SAMMSON: variants seen among roughly 807,000 people sequenced by gnomAD.
SAMMSON encodes the protein long intergenic non-protein coding RNA 1212.
chr3:70,104,817 C>G (rs144617732), intron 4 of SAMMSON, among the ~76,000 whole-genome samples: 50 of 152,176 alleles, frequency 3.3e-4, no homozygotes, highest in Admixed American at 3.3e-3. Flanking sequence ...ACCTCCAGGC[C>G]TTCGTTTTTC....
chr3:70,227,307 A>G (rs17006867), intron 4 of SAMMSON, among the ~76,000 whole-genome samples: 22,416 of 152,224 alleles, frequency 0.15, 2,349 homozygotes, highest in East Asian at 0.55. Flanking sequence ...ATTTTCCTGG[A>G]GAACTGTGAT....
chr3:70,002,335 C>T (rs1477182997), intron 1 of SAMMSON, among the ~76,000 whole-genome samples: 3 of 152,106 alleles, frequency 2.0e-5, no homozygotes, highest in African/African-American at 7.2e-5. Flanking sequence ...TGACTGAAGA[C>T]ATAACTAATT....
chr3:70,184,541 G>T (rs914681754), intron 4 of SAMMSON, among the ~76,000 whole-genome samples: 3 of 152,170 alleles, frequency 2.0e-5, no homozygotes, highest in Non-Finnish European at 2.9e-5. Context: ...GAAAATTTTT[G>T]ATAGTTAACA....
intron 4 of SAMMSON, among the ~76,000 whole-genome samples, chr3:70,170,452 A>G (rs995700309): frequency 6.6e-6 from 1 of 151,838 alleles, no homozygotes; most frequent in Non-Finnish European, 1.5e-5. Context: ...AAATTCATTA[A>G]TTATACAGAA....
chr3:70,274,090 T>TGTGTGC (rs770689062), intron 6 of SAMMSON, among the ~76,000 whole-genome samples: 22 of 144,972 alleles, frequency 1.5e-4, no homozygotes, highest in African/African-American at 2.4e-4. Flanking sequence ...TGTGTGTGTG[T>TGTGTGC]GCGCGCGCGC....
intron 3 of SAMMSON, among the ~76,000 whole-genome samples, chr3:70,044,652 G>C (rs762140754): frequency 1.4e-4 from 22 of 151,726 alleles, no homozygotes; most frequent in Non-Finnish European, 3.2e-4. Flanking sequence ...CTAAGGAGTA[G>C]AAATTTTCCT....
intron 4 of SAMMSON, among the ~76,000 whole-genome samples, chr3:70,090,126 G>A (rs962754661): frequency 6.6e-6 from 1 of 152,100 alleles, no homozygotes; most frequent in African/African-American, 2.4e-5. Flanking sequence ...AGCTGGGATA[G>A]GGCTGCTTTC....
intron 9 of SAMMSON, among the ~76,000 whole-genome samples, chr3:70,382,559 G>A (rs2106752601): frequency 6.6e-6 from 1 of 150,376 alleles, no homozygotes; most frequent in East Asian, 2.0e-4. Context: ...AATGAACCAG[G>A]AAAACTTTAA....
chr3:70,293,003 G>A (rs1431705508), intron 7 of SAMMSON, among the ~76,000 whole-genome samples: 1 of 138,650 alleles, frequency 7.2e-6, no homozygotes, highest in Non-Finnish European at 1.5e-5. Context: ...AAGGCTATTT[G>A]CAGGTAGTAC....
intron 4 of SAMMSON, among the ~76,000 whole-genome samples, chr3:70,246,281 C>A (rs1165334419): frequency 6.6e-6 from 1 of 152,092 alleles, no homozygotes. Context: ...ATAAAGGTCA[C>A]ACTTTGTTAC....
chr3:70,103,694 T>C (rs1453386577), intron 4 of SAMMSON, among the ~76,000 whole-genome samples: 1 of 152,248 alleles, frequency 6.6e-6, no homozygotes, highest in East Asian at 1.9e-4. Context: ...AAACTTCTTA[T>C]TGGCGAAAAT....
chr3:70,030,017 A>G (rs1395678636), intron 3 of SAMMSON, among the ~76,000 whole-genome samples: 2 of 152,192 alleles, frequency 1.3e-5, no homozygotes, highest in African/African-American at 2.4e-5. Flanking sequence ...ATACTTTTAA[A>G]TGAATTTAAT....
intron 3 of SAMMSON, among the ~76,000 whole-genome samples, chr3:70,057,879 A>G (rs1289561357): frequency 6.6e-6 from 1 of 152,062 alleles, no homozygotes; most frequent in African/African-American, 2.4e-5. Context: ...ATTAATGGGA[A>G]ATTTGAGTGG....
intron 4 of SAMMSON, among the ~76,000 whole-genome samples, chr3:70,195,105 C>T (rs992999814): frequency 2.6e-5 from 4 of 152,166 alleles, no homozygotes; most frequent in Non-Finnish European, 5.9e-5. Context: ...GCCAATAATT[C>T]ACTGTGTGGT....
At chr3:70,278,601 GC>G (rs1343538009) in intron 6 of SAMMSON, among the ~76,000 whole-genome samples, 4 of 152,244 alleles carry the variant, frequency 2.6e-5, no homozygotes, top group Admixed American at 2.6e-4. Context: ...AGATTTGAAT[GC>G]CTTTATTGAC....
chr3:70,035,505 G>A (rs1389996817), intron 3 of SAMMSON, among the ~76,000 whole-genome samples: 2 of 152,116 alleles, frequency 1.3e-5, no homozygotes, highest in African/African-American at 4.8e-5. Flanking sequence ...AGGAATCCAG[G>A]GTGGCCATTT....
At chr3:70,347,033 G>C (rs553301261) in intron 7 of SAMMSON, among the ~76,000 whole-genome samples, 160 of 152,268 alleles carry the variant, frequency 1.1e-3, no homozygotes, top group African/African-American at 3.6e-3. Flanking sequence ...AAGAGAAATA[G>C]AGATCACCAC....
intron 4 of SAMMSON, among the ~76,000 whole-genome samples, chr3:70,090,747 C>A (rs1451640165): frequency 1.3e-5 from 2 of 150,812 alleles, no homozygotes; most frequent in Non-Finnish European, 2.9e-5. Context: ...AAAGTAATAA[C>A]CTTTCCATGT....
rs9852470 is a variant in SAMMSON at position 70,080,807 on chromosome 3, G to A, written n.507+9242G>A. Among the ~76,000 whole-genome samples, 555 of 151,348 alleles carry A rather than the reference G, an allele frequency of 3.7e-3. 2 individuals carry two copies. The highest frequency in any genetic ancestry group is 9.4e-3 in the African/African-American group (386 of 41,228). On this transcript the variant is annotated intron_variant and non_coding_transcript_variant, in intron 4 of 9. Coordinates refer to ENST00000642114, the Ensembl canonical transcript of SAMMSON. ...ACAAATGTGGTAAAATCAATATAAC[G>A]ATATTGCAAAAATGATCCTTAGAAG...
Sources: allele counts gnomAD v4.1 joint callset (sites outside exome capture counted in the v4.1 genomes callset), GRCh38; gene constraint gnomAD v4.1.1; transcripts MANE v1.5; gene names NCBI Gene and HGNC (gene_info 2026-07-23, HGNC 2026-07-21).